The following PRMT8 variants were observed in gnomAD, a reference collection of about 807,000 sequenced individuals.
The protein encoded by PRMT8 is protein arginine methyltransferase 8.
In PRMT8, 7 loss-of-function variants were observed where a neutral mutation model predicts 47.1. The ratio of observed to expected loss-of-function variants is 0.15; its 90% CI spans 0.08 to 0.28. PRMT8 has a LOEUF of 0.28. Among genes scored for constraint, PRMT8 ranks in the 10% least tolerant of loss-of-function variants. The pLI, the probability that PRMT8 is intolerant of heterozygous loss-of-function variation, is 1.00. For missense variants in PRMT8, 237 were observed against 505.4 expected (o/e 0.47, Z 5.09); for synonymous variants, 188 against 186.5 (o/e 1.01, Z -0.07).
At chr12:3,575,876 C>T (rs565728806) in intron 6 of PRMT8, among the ~76,000 whole-genome samples, 4 of 152,152 alleles carry the variant, frequency 2.6e-5, no homozygotes, top group Middle Eastern at 3.4e-3. Flanking sequence ...AAAATTAACC[C>T]GGCATGGTGG....
At chr12:3,488,650 A>G (rs536462884), upstream of PRMT8, among the ~76,000 whole-genome samples, 4 of 152,362 alleles carry the variant, frequency 2.6e-5, no homozygotes, top group African/African-American at 9.6e-5. Context: ...TGAGCTGGGC[A>G]TTTAAGAGAT....
At chr12:3,509,347 A>C (rs1865676241) in intron 1 of PRMT8, among the ~76,000 whole-genome samples, 1 of 152,084 alleles carries the variant, frequency 6.6e-6, no homozygotes, top group African/African-American at 2.4e-5. Flanking sequence ...CTCAGTGTGG[A>C]TGTCGCTTCT....
At chr12:3,446,389 T>A (rs1864855690) in intron 1 of PRMT8, among the ~76,000 whole-genome samples, 1 of 152,056 alleles carries the variant, frequency 6.6e-6, no homozygotes, top group Non-Finnish European at 1.5e-5. Context: ...GCCGGCTCTC[T>A]CTGTGGGCAC....
At position 3,388,051 on chromosome 12, in the gene PRMT8, T is replaced by TCCTC. The variant is rs113323044; in HGVS notation, c.48+6625_48+6628dup. 1.4e-3 allele frequency among the ~76,000 whole-genome samples: 193 copies of TCCTC among 134,532 alleles called. 1 individual carries two copies. Among genetic ancestry groups the TCCTC allele is most frequent in the African/African-American group, 4.9e-3 (175 of 36,004 alleles). 88.3% of individuals were successfully genotyped at this position (134,532 alleles called of 152,430 possible). On this transcript the variant is annotated intron_variant, in intron 1 of 9. Coordinates refer to the PRMT8 transcript ENST00000452611. ...CTTCCTTTCTCCTTCTTTCCTTCCTTCCTCCCTCCCTCCCTCCCTGTCTGT... is the reference window on the plus strand; with the variant it reads ...CTTCCTTTCTCCTTCTTTCCTTCCTTCCTCCCTCCCTCCCTCCCTCCCTGTCTGT...
chr12:3,523,896 A>G (rs777091691), intron 1 of PRMT8, among the ~76,000 whole-genome samples: 7 of 152,250 alleles, frequency 4.6e-5, no homozygotes, highest in African/African-American at 7.2e-5. Flanking sequence ...GCAAAGTTCA[A>G]TAAGCCTATG....
intron 1 of PRMT8, among the ~76,000 whole-genome samples, chr12:3,438,470 C>T (rs1864767837): frequency 6.6e-6 from 1 of 152,220 alleles, no homozygotes; most frequent in South Asian, 2.1e-4. Flanking sequence ...TGGGCAGCTT[C>T]CCTTCCCGCC....
chr12:3,401,136 A>G (rs1329340025), intron 1 of PRMT8, among the ~76,000 whole-genome samples: 3 of 145,318 alleles, frequency 2.1e-5, no homozygotes, highest in Non-Finnish European at 4.5e-5. Context: ...AACAAGAGCG[A>G]AACTCCATCT....
intron 1 of PRMT8, among the ~76,000 whole-genome samples, chr12:3,518,964 GGAAGCTCAAAAGGCTTTTGTAA>G (rs1317768050): frequency 6.6e-6 from 1 of 152,036 alleles, no homozygotes; most frequent in Non-Finnish European, 1.5e-5. Flanking sequence ...AATTACTAAA[GGAAGCTCAAAAGGCTTTTGTAA>G]GAAGAGAAAA....
chr12:3,557,057 G>C lies in PRMT8; in HGVS notation c.481+3343G>C, dbSNP rs1178276957. Among the ~76,000 whole-genome samples, 2 of 152,144 alleles carry C rather than the reference G, an allele frequency of 1.3e-5. No individual in the cohort carries two copies. Among genetic ancestry groups the C allele is most frequent in the African/African-American group, 4.8e-5 (2 of 41,446 alleles). On this transcript the variant is annotated intron_variant, in intron 4 of 9. Coordinates refer to ENST00000382622, the MANE Select transcript of PRMT8 (RefSeq NM_019854.5). This position sits in a 1 kb window ranked among gnomAD's most constrained non-coding sequence, Gnocchi z 4.7. ...TTGCTTAGTGAAGAATGAGACAGTT[G>C]CATGCCAAAAAGAGAGAAGGTGAAG...
At chr12:3,558,506 T>C (rs1179218970) in intron 4 of PRMT8, among the ~76,000 whole-genome samples, 1 of 152,200 alleles carries the variant, frequency 6.6e-6, no homozygotes, top group Non-Finnish European at 1.5e-5. Context: ...GTTTTGTCAA[T>C]TGTCTGAGTA....
At chr12:3,584,835 G>A (rs1442076289) in intron 8 of PRMT8, among the ~76,000 whole-genome samples, 1 of 152,078 alleles carries the variant, frequency 6.6e-6, no homozygotes, top group Non-Finnish European at 1.5e-5. Flanking sequence ...CCCATTGATG[G>A]TGTCTTACGT....
intron 1 of PRMT8, among the ~76,000 whole-genome samples, chr12:3,534,297 G>A (rs539716739): frequency 6.6e-6 from 1 of 152,362 alleles, no homozygotes; most frequent in African/African-American, 2.4e-5. Flanking sequence ...TTTAAAGCTT[G>A]GGCTGGTGCC....
intron 1 of PRMT8, among the ~76,000 whole-genome samples, chr12:3,400,836 A>G (rs997168552): frequency 5.9e-5 from 9 of 152,200 alleles, no homozygotes; most frequent in Non-Finnish European, 1.3e-4. Flanking sequence ...CATCCCTGGG[A>G]TGCAAGGTTG....
chr12:3,524,642 T>TAAAAAAAAAAA (rs34644466), intron 1 of PRMT8, among the ~76,000 whole-genome samples: 1 of 89,292 alleles, frequency 1.1e-5, no homozygotes. Context: ...CAAGACAATC[T>TAAAAAAAAAAA]AAAAAAAAAA....
intron 8 of PRMT8, among the ~76,000 whole-genome samples, chr12:3,588,550 G>A (rs957079757): frequency 3.3e-5 from 5 of 152,154 alleles, no homozygotes; most frequent in African/African-American, 7.2e-5. Context: ...CTGTATGATC[G>A]GGGGAGGAGG....
intron 1 of PRMT8, among the ~76,000 whole-genome samples, chr12:3,519,383 G>A (rs1479742892): frequency 2.0e-5 from 3 of 152,180 alleles, no homozygotes; most frequent in Non-Finnish European, 4.4e-5. Flanking sequence ...AGGTTGGCAG[G>A]GCTGGGGGAA....
rs753797090 is a variant in PRMT8 at position 3,538,376 on chromosome 12, C to T, written c.76-2230C>T. Reference sequence around the variant, plus strand: ...GTCTATTTCTTCCACAGGACCTGCACGCTGCCTTGCTGTTGGAGATCTGTG... The same window carrying T: ...GTCTATTTCTTCCACAGGACCTGCATGCTGCCTTGCTGTTGGAGATCTGTG... On this transcript the variant is annotated intron_variant, in intron 1 of 9. Coordinates refer to ENST00000382622, the MANE Select transcript of PRMT8 (RefSeq NM_019854.5). The surrounding 1 kb of genome is among the most constrained non-coding windows in gnomAD (Gnocchi z 4.6). 56 of 301,660 alleles carry T rather than the reference C, an allele frequency of 1.9e-4. No homozygotes were observed. The highest frequency in any genetic ancestry group is 1.8e-4 in the Non-Finnish European group (28 of 151,416). 18.7% of individuals were successfully genotyped at this position (301,660 alleles called of 1,614,324 possible).
At chr12:3,389,753 C>A (rs1021474138) in intron 1 of PRMT8, among the ~76,000 whole-genome samples, 1 of 152,146 alleles carries the variant, frequency 6.6e-6, no homozygotes, top group African/African-American at 2.4e-5. Context: ...GGGGAGCTAC[C>A]CAAACATAGC....
chr12:3,578,640 G>A (rs974025575), intron 7 of PRMT8, among the ~76,000 whole-genome samples: 2 of 152,178 alleles, frequency 1.3e-5, no homozygotes, highest in Non-Finnish European at 2.9e-5. Context: ...CAGGGTACTG[G>A]ACTGGAATAT....
Sources: allele counts gnomAD v4.1 joint callset (sites outside exome capture counted in the v4.1 genomes callset), GRCh38; gene constraint gnomAD v4.1.1; non-coding constraint Gnocchi (gnomAD v3.1); transcripts MANE v1.5; gene names NCBI Gene and HGNC (gene_info 2026-07-23, HGNC 2026-07-21).